The following HEMK2 variants were observed in gnomAD, a reference collection of about 807,000 sequenced individuals.
HEMK2 encodes HemK methyltransferase 2, ETF1 glutamine and histone H4 lysine, also known as methyltransferase HEMK2.
chr21:28,705,299 T>A, the HEMK2 span, among the ~76,000 whole-genome samples: 2 of 151,524 alleles, frequency 1.3e-5, no homozygotes, highest in Non-Finnish European at 2.9e-5. Flanking sequence ...ATTTCATTGA[T>A]TTGAATAATT....
the HEMK2 span, among the ~76,000 whole-genome samples, chr21:28,774,352 G>T: frequency 1.3e-5 from 2 of 152,142 alleles, no homozygotes; most frequent in Non-Finnish European, 2.9e-5. Context: ...CATTCTGGGG[G>T]CTAAGGTGGG....
chr21:28,878,947 A>G, the HEMK2 span, among the ~76,000 whole-genome samples: 1,168 of 148,074 alleles, frequency 7.9e-3, 7 homozygotes, highest in Non-Finnish European at 0.012. Flanking sequence ...TTAAATATAT[A>G]TATTTATTAT....
At chr21:28,863,408 TTTTATATATATATATA>T in the HEMK2 span, among the ~76,000 whole-genome samples, 4 of 65,814 alleles carry the variant, frequency 6.1e-5, no homozygotes, top group Admixed American at 2.1e-4. Flanking sequence ...ATAAACTCCC[TTTTATATATATATATA>T]TATATATATA....
the HEMK2 span, among the ~76,000 whole-genome samples, chr21:28,792,181 C>A: frequency 6.6e-6 from 1 of 152,102 alleles, no homozygotes; most frequent in African/African-American, 2.4e-5. Context: ...TCCTGGAAAA[C>A]TCACGAATAA....
chr21:28,740,530 A>G, the HEMK2 span, among the ~76,000 whole-genome samples: 5 of 152,204 alleles, frequency 3.3e-5, no homozygotes, highest in Non-Finnish European at 7.3e-5. Context: ...AATATATCAA[A>G]TCTAGTTGGA....
the HEMK2 span, among the ~76,000 whole-genome samples, chr21:28,761,486 T>C: frequency 2.0e-5 from 3 of 152,060 alleles, no homozygotes; most frequent in Non-Finnish European, 4.4e-5. Flanking sequence ...TATCATAGAT[T>C]ACAGTAAAAA....
the HEMK2 span, among the ~76,000 whole-genome samples, chr21:28,772,268 C>T: frequency 1.1e-4 from 16 of 152,160 alleles, no homozygotes; most frequent in Non-Finnish European, 2.1e-4. Flanking sequence ...TAGTGGAGAA[C>T]ATCTTTGTTT....
At chr21:28,866,175 A>AAAAAAAAAAAAAAACAC in the HEMK2 span, among the ~76,000 whole-genome samples, 1 of 76,246 alleles carries the variant, frequency 1.3e-5, no homozygotes, top group African/African-American at 5.1e-5. Context: ...CAAAAAAAAA[A>AAAAAAAAAAAAAAACAC]ACACACACAC....
chr21:28,645,522 G>A, the HEMK2 span, among the ~76,000 whole-genome samples: 1 of 151,694 alleles, frequency 6.6e-6, no homozygotes, highest in African/African-American at 2.4e-5. Flanking sequence ...TTCACATCAT[G>A]GTCCCCTAAA....
the HEMK2 span, among the ~76,000 whole-genome samples, chr21:28,625,835 C>T: frequency 1.1e-4 from 16 of 152,042 alleles, no homozygotes; most frequent in South Asian, 4.2e-4. Flanking sequence ...TGGATCTACA[C>T]GAGAAAATGA....
the HEMK2 span, among the ~76,000 whole-genome samples, chr21:28,846,558 T>C: frequency 2.0e-5 from 3 of 152,172 alleles, no homozygotes; most frequent in Non-Finnish European, 4.4e-5. Flanking sequence ...TTAGTAATAT[T>C]GAGTATTTTT....
At chr21:28,831,666 AGAAAGAAAGAAAGAAAGAAG>A in the HEMK2 span, among the ~76,000 whole-genome samples, 6 of 56,936 alleles carry the variant, frequency 1.1e-4, no homozygotes, top group African/African-American at 3.5e-4. Context: ...AAAGAAAGAA[AGAAAGAAAGAAAGAAAGAAG>A]GAAGGAAGGA....
the HEMK2 span, among the ~76,000 whole-genome samples, chr21:28,772,598 C>T: frequency 6.6e-6 from 1 of 152,144 alleles, no homozygotes; most frequent in Non-Finnish European, 1.5e-5. Flanking sequence ...AATGTATTTT[C>T]AAATTATAGC....
the HEMK2 span, among the ~76,000 whole-genome samples, chr21:28,689,453 G>T: frequency 6.6e-6 from 1 of 151,234 alleles, no homozygotes; most frequent in African/African-American, 2.4e-5. Flanking sequence ...AAGTACCTTT[G>T]GTAAGTATCT....
At chr21:28,652,648 G>A in the HEMK2 span, among the ~76,000 whole-genome samples, 1 of 152,052 alleles carries the variant, frequency 6.6e-6, no homozygotes, top group Non-Finnish European at 1.5e-5. Flanking sequence ...CATTCCACCT[G>A]AAACCCACTT....
At chr21:28,803,546 TTC>T in the HEMK2 span, among the ~76,000 whole-genome samples, 1 of 152,230 alleles carries the variant, frequency 6.6e-6, no homozygotes, top group African/African-American at 2.4e-5. Flanking sequence ...TTCCAAGGTT[TTC>T]TTTTTCAGCT....
At chr21:28,603,549 ATGTGTGTGTGTGTG>A in the HEMK2 span, among the ~76,000 whole-genome samples, 1,833 of 135,816 alleles carry the variant, frequency 0.013, 45 homozygotes, top group African/African-American at 0.047. Context: ...GAGGATATAT[ATGTGTGTGTGTGTG>A]TGTGTGTGTG....
the HEMK2 span, among the ~76,000 whole-genome samples, chr21:28,613,071 A>C: frequency 2.0e-5 from 3 of 151,368 alleles, no homozygotes; most frequent in African/African-American, 7.3e-5. Flanking sequence ...GGATGAAGAA[A>C]TGTGATAGAT....
the HEMK2 span, among the ~76,000 whole-genome samples, chr21:28,614,921 G>C: frequency 6.6e-6 from 1 of 152,062 alleles, no homozygotes; most frequent in Non-Finnish European, 1.5e-5. Flanking sequence ...TTTTCAGTGA[G>C]GCCTTTTCCC....
Sources: gnomAD v4.1 joint callset for allele counts (sites outside exome capture counted in the v4.1 genomes callset) on GRCh38, gnomAD v4.1.1 for gene constraint, MANE v1.5 for transcripts, NCBI Gene and HGNC (gene_info 2026-07-23, HGNC 2026-07-21) for gene names.